The following RIC1 variants were observed in gnomAD, a reference collection of about 807,000 sequenced individuals.
RIC1 encodes the protein RIC1 partner of RAB6A GEF complex.
RIC1 carries 88 observed loss-of-function variants against 169.0 expected under a neutral mutation model. That is an observed-to-expected ratio of 0.52 (90% CI 0.44 to 0.62). RIC1 has a LOEUF of 0.62. Among genes scored for constraint, RIC1 ranks in the 20% least tolerant of loss-of-function variants. RIC1 has a pLI of 0.00. For synonymous variants in RIC1, 790 were observed against 601.5 expected (o/e 1.31, Z -4.59); for missense variants, 1,877 against 1,725.5 (o/e 1.09, Z -1.56).
intron 2 of RIC1, among the ~76,000 whole-genome samples, chr9:5,682,230 G>A: frequency 6.6e-6 from 1 of 152,198 alleles, no homozygotes; most frequent in East Asian, 1.9e-4. Context: ...TTGCTTGTTA[G>A]TTGATGCAGT....
chr9:5,737,600 A>ACG, intron 7 of RIC1, among the ~76,000 whole-genome samples: 1 of 109,112 alleles, frequency 9.2e-6, no homozygotes, highest in African/African-American at 3.8e-5. Flanking sequence ...ACACACACAC[A>ACG]TGTTTTATAT....
intron 1 of RIC1, among the ~76,000 whole-genome samples, chr9:5,647,886 TTTTG>T (rs1370826863): frequency 6.6e-6 from 1 of 151,750 alleles, no homozygotes; most frequent in Admixed American, 6.6e-5. Context: ...CAAGTTGTTG[TTTTG>T]TTTTTTGTTT....
rs35477806 is a variant in RIC1, at chr9:5,718,139, C to CAAAAAAAAAAAA, written c.441-2027_441-2016dup. 1.1e-4 allele frequency among the ~76,000 whole-genome samples: 3 copies of CAAAAAAAAAAAA among 28,090 alleles called. 1 individual carries two copies. Among genetic ancestry groups the CAAAAAAAAAAAA allele is most frequent in the Admixed American group, 6.3e-4 (1 of 1,590 alleles). The allele number at this position is 28,090 out of a possible 152,430, so 18.4% of individuals were successfully genotyped here. ...TGGGCAACAGAGCAAGACTCCGTCT[C>CAAAAAAAAAAAA]AAAAAAAAAAAAAAAAAAAAAAAAA... On this transcript the variant is annotated intron_variant, in intron 4 of 25. Coordinates refer to ENST00000414202, the MANE Select transcript of RIC1 (RefSeq NM_020829.4).
chr9:5,646,590 A>G (rs552352126), intron 1 of RIC1, among the ~76,000 whole-genome samples: 3 of 152,294 alleles, frequency 2.0e-5, no homozygotes, highest in South Asian at 2.1e-4. Context: ...CCTAGGAGCA[A>G]TAGGGTATAC....
At chr9:5,735,581 G>A (rs1028164982) in intron 7 of RIC1, among the ~76,000 whole-genome samples, 1 of 152,164 alleles carries the variant, frequency 6.6e-6, no homozygotes, top group Non-Finnish European at 1.5e-5. Context: ...CATGGGTTAG[G>A]GTTAAAGTTT....
In RIC1 at chr9:5,769,275, C is replaced by G; in HGVS notation, c.3424+19C>G. On this transcript the variant is annotated intron_variant, in intron 22 of 25. Coordinates refer to ENST00000414202, the MANE Select transcript of RIC1 (RefSeq NM_020829.4). ...CGAACTGGTAATGTAGACTTCATGT[C>G]ACTTGTACAAGGAGAATTGTATTTT... is the stretch of plus-strand genomic sequence containing the variant. The G allele has an allele frequency of 1.2e-6, 2 of 1,613,704 alleles. No individual in the cohort carries two copies. Among genetic ancestry groups the G allele is most frequent in the East Asian group, 4.5e-5 (2 of 44,884 alleles).
intron 8 of RIC1, among the ~76,000 whole-genome samples, chr9:5,740,930 C>G (rs1019514113): frequency 6.6e-6 from 1 of 152,080 alleles, no homozygotes; most frequent in Non-Finnish European, 1.5e-5. Flanking sequence ...AGTATTTTTG[C>G]CCACCATATC....
At chr9:5,666,219 T>C (rs1346828634) in intron 2 of RIC1, among the ~76,000 whole-genome samples, 1 of 152,244 alleles carries the variant, frequency 6.6e-6, no homozygotes, top group Non-Finnish European at 1.5e-5. Context: ...GCAGTGTGGC[T>C]GTGCTACACT....
At chr9:5,701,002 G>A (rs549524604) in intron 3 of RIC1, among the ~76,000 whole-genome samples, 13 of 152,074 alleles carry the variant, frequency 8.5e-5, no homozygotes, top group East Asian at 1.9e-4. Flanking sequence ...TCTCAGAATC[G>A]TATGGTCAAA....
intron 2 of RIC1, among the ~76,000 whole-genome samples, chr9:5,662,072 G>A (rs538108155): frequency 1.3e-5 from 2 of 152,092 alleles, no homozygotes; most frequent in Admixed American, 6.6e-5. Context: ...GACCTTTTCC[G>A]CATCTATTGA....
intron 6 of RIC1, among the ~76,000 whole-genome samples, chr9:5,727,066 C>T (rs1038169983): frequency 6.6e-6 from 1 of 152,058 alleles, no homozygotes; most frequent in African/African-American, 2.4e-5. Flanking sequence ...ATCTTTGTGG[C>T]GTTCCCTGTA....
In RIC1 at chr9:5,631,380, A is replaced by AGAG. The variant is rs1466537573; in HGVS notation, c.144+1932_144+1934dup. Among the ~76,000 whole-genome samples, 4 of 152,250 alleles carry AGAG rather than the reference A, an allele frequency of 2.6e-5. No individual in the cohort carries two copies. The East Asian group carries it at 7.7e-4, about 29-fold the overall frequency. On this transcript the variant is annotated intron_variant, in intron 1 of 25. Transcript: ENST00000414202. ...GTGAAATGAAATGCAGGAATACCTT[A>AGAG]GAGGAGGCTGTATAGTACTGTAGTA...
chr9:5,754,980 A>C (rs1825921101), intron 15 of RIC1, 50 bp downstream of exon 15: 1 of 1,186,122 alleles, frequency 8.4e-7, no homozygotes, highest in African/African-American at 1.5e-5. Flanking sequence ...TAAAGCTATT[A>C]AGCATGAATT....
At chr9:5,641,088 G>A (rs538396041) in intron 1 of RIC1, among the ~76,000 whole-genome samples, 3 of 149,986 alleles carry the variant, frequency 2.0e-5, no homozygotes, top group African/African-American at 7.4e-5. Flanking sequence ...ATGCCATAAG[G>A]TAGTCTTCTT....
chr9:5,681,030 G>T (rs1283462335), intron 2 of RIC1, among the ~76,000 whole-genome samples: 1 of 150,978 alleles, frequency 6.6e-6, no homozygotes, highest in Non-Finnish European at 1.5e-5. Context: ...GTTTCACCTT[G>T]TTAGCCAGGA....
rs113192816 is a variant in RIC1, at chr9:5,664,211, C to G, written c.252+7521C>G. Among the ~76,000 whole-genome samples, 855 of 152,126 alleles carry G rather than the reference C, an allele frequency of 5.6e-3. 10 individuals are homozygous for G. Among genetic ancestry groups the G allele is most frequent in the African/African-American group, 0.019 (790 of 41,506 alleles). Reference sequence around the variant, plus strand: ...GATAACGAGGTCAAGAGATCGACACCATCCTGGCCAACATTGTGAAAAACC... The same window carrying G: ...GATAACGAGGTCAAGAGATCGACACGATCCTGGCCAACATTGTGAAAAACC... On this transcript the variant is annotated intron_variant, in intron 2 of 25. Coordinates refer to ENST00000414202, the MANE Select transcript of RIC1 (RefSeq NM_020829.4).
chr9:5,728,614 C>T (rs1824156636), intron 6 of RIC1, among the ~76,000 whole-genome samples: 1 of 152,214 alleles, frequency 6.6e-6, no homozygotes, highest in South Asian at 2.1e-4. Context: ...CCATCCTCTG[C>T]ATCACTCATG....
rs558144605 is a variant in RIC1, at chr9:5,737,599, C to CGTGTGTGTGT, written c.813-851_813-850insGTGTGTGTGT. ...TATTTACTATGCTTTTACACACACA[C>CGTGTGTGTGT]ATGTTTTATATCTTAAACGTATATA... is the stretch of plus-strand genomic sequence containing the variant. On this transcript the variant is annotated intron_variant, in intron 7 of 25. Transcript: ENST00000414202. 3.6e-4 allele frequency among the ~76,000 whole-genome samples: 30 copies of CGTGTGTGTGT among 82,566 alleles called. No homozygotes were observed. The South Asian group carries it at 5.0e-3, about 14-fold the overall frequency. 54.2% of individuals were successfully genotyped at this position (82,566 alleles called of 152,430 possible). A position where few individuals can be genotyped will look rare whatever the true frequency, so the allele number is the denominator to read the frequency against.
intron 2 of RIC1, among the ~76,000 whole-genome samples, chr9:5,673,046 C>A (rs915764644): frequency 6.6e-6 from 1 of 152,016 alleles, no homozygotes; most frequent in Admixed American, 6.5e-5. Context: ...CTACAGTGAA[C>A]AGGACAAGCA....
Sources: gnomAD v4.1 joint callset for allele counts (sites outside exome capture counted in the v4.1 genomes callset) on GRCh38, gnomAD v4.1.1 for gene constraint, MANE v1.5 for transcripts, NCBI Gene and HGNC (gene_info 2026-07-23, HGNC 2026-07-21) for gene names.